The following KPNA6 variants were observed in gnomAD, a reference collection of about 807,000 sequenced individuals.
The protein encoded by KPNA6 is karyopherin subunit alpha 6, also known as importin subunit alpha-7.
KPNA6 carries 9 observed loss-of-function variants against 72.0 expected under a neutral mutation model. The ratio of observed to expected loss-of-function variants is 0.13; its 90% CI spans 0.08 to 0.22. The LOEUF is 0.22. Ranked by LOEUF, KPNA6 falls within the 10% of genes least tolerant of loss-of-function variation. The pLI is 1.00. For missense variants in KPNA6, 374 were observed against 655.7 expected, an observed-to-expected ratio of 0.57 and a Z score of 4.69; for synonymous variants, 219 against 242.1, an observed-to-expected ratio of 0.90 and a Z score of 0.89.
intron 1 of KPNA6, among the ~76,000 whole-genome samples, chr1:32,137,341 T>A (rs902976119): frequency 1.3e-5 from 2 of 152,012 alleles, no homozygotes; most frequent in Non-Finnish European, 1.5e-5. Flanking sequence ...ACCTGGCTAA[T>A]TTTTGAAATT....
chr1:32,162,142 G>C (rs1342138136), intron 8 of KPNA6, 96 bp downstream of exon 8: 1 of 1,030,518 alleles, frequency 9.7e-7, no homozygotes, highest in African/African-American at 1.6e-5. Flanking sequence ...CAAATCATGG[G>C]AAACTGAAAG....
rs886509200 is a variant in KPNA6 at position 32,113,060 on chromosome 1, C to G, written c.4+4926C>G. 1.1e-4 allele frequency among the ~76,000 whole-genome samples: 17 copies of G among 152,234 alleles called. No homozygotes were observed. In the East Asian group the frequency reaches 3.3e-3, roughly 29 times the overall value. ...CTTTCAAAATTAGAGTCAGTACTCT[C>G]AAACCCTGCCACTGCTTTATCAACT... is the stretch of plus-strand genomic sequence containing the variant. On this transcript the variant is annotated intron_variant, in intron 1 of 13. Transcript: ENST00000373625.
At chr1:32,154,314 G>A (rs374102844) in intron 1 of KPNA6, among the ~76,000 whole-genome samples, 1 of 151,892 alleles carries the variant, frequency 6.6e-6, no homozygotes, top group Admixed American at 6.6e-5. Flanking sequence ...GAAGGGTCAG[G>A]ATGTGAACCC....
chr1:32,160,636 A>G lies in KPNA6; in HGVS notation c.580A>G (p.Ile194Val), dbSNP rs768370964. The change falls in exon 7 of 14, where the codon ATA (isoleucine) becomes GTA (valine). Residue 194 changes from isoleucine (I) to valine (V), a missense_variant. Ile to Val is a conservative substitution (Grantham distance 29). This residue lies in a region of KPNA6 where 298 missense variants were observed against 495.4 expected (regional missense o/e 0.60). Coordinates refer to ENST00000373625, the MANE Select transcript of KPNA6 (RefSeq NM_012316.5). ...TCAGGCAGTCTGGGCACTGGGAAAC[A>G]TAGCTGGAGATAGCTCTGTTTGCCG... The part of the protein sequence containing the change: ...QEQAVWALGN[I>V]AGDSSVCRDY... 1.2e-6 allele frequency: 2 copies of G among 1,613,982 alleles called. No individual in the cohort carries two copies. Among genetic ancestry groups the G allele is most frequent in the Admixed American group, 1.7e-5 (1 of 59,992 alleles).
chr1:32,121,500 C>T (rs1402013210), intron 1 of KPNA6, among the ~76,000 whole-genome samples: 1 of 152,108 alleles, frequency 6.6e-6, no homozygotes, highest in East Asian at 1.9e-4. Context: ...GAGGTTTGAT[C>T]ATCTATTTAT....
chr1:32,134,404 G>A (rs1322310904), intron 1 of KPNA6, among the ~76,000 whole-genome samples: 2 of 151,976 alleles, frequency 1.3e-5, no homozygotes, highest in East Asian at 1.9e-4. Flanking sequence ...ACTTTAGGAG[G>A]CTGAGGCAGG....
At chr1:32,143,063 ATCTGTTGTCTAC>A in intron 1 of KPNA6, 1 of 1,135,412 alleles carries the variant, frequency 8.8e-7, no homozygotes, top group Non-Finnish European at 1.2e-6. Context: ...GCCTTCAGAA[ATCTGTTGTCTAC>A]TCTGTTAGTC....
At chr1:32,135,312 C>G (rs1423379367) in intron 1 of KPNA6, among the ~76,000 whole-genome samples, 4 of 152,132 alleles carry the variant, frequency 2.6e-5, no homozygotes, top group Non-Finnish European at 5.9e-5. Context: ...GGTGATCTGT[C>G]CCCCTCAGCC....
At chr1:32,154,821 T>TAG in intron 2 of KPNA6, 100 bp downstream of exon 2, 1 of 1,302,456 alleles carries the variant, frequency 7.7e-7, no homozygotes, top group Non-Finnish European at 1.1e-6. Flanking sequence ...GAAAAGTAGC[T>TAG]TACTAGGTGG....
At chr1:32,140,571 G>T in intron 1 of KPNA6, among the ~76,000 whole-genome samples, 1 of 152,222 alleles carries the variant, frequency 6.6e-6, no homozygotes, top group East Asian at 1.9e-4. Context: ...ATAATTTATA[G>T]ATATTGTACT....
intron 1 of KPNA6, 49 bp downstream of exon 1, chr1:32,108,183 G>A: frequency 1.2e-6 from 2 of 1,612,938 alleles, no homozygotes; most frequent in Non-Finnish European, 1.7e-6. Context: ...GGGAGTGTCG[G>A]GGCCTGGGAT....
chr1:32,164,634 T>C (rs750924157), intron 10 of KPNA6, among the ~76,000 whole-genome samples: 1 of 152,074 alleles, frequency 6.6e-6, no homozygotes, highest in Non-Finnish European at 1.5e-5. Context: ...TTTGCATTTT[T>C]CTAATGATTG....
intron 1 of KPNA6, among the ~76,000 whole-genome samples, chr1:32,139,084 T>C (rs1270802549): frequency 7.9e-5 from 12 of 152,184 alleles, no homozygotes; most frequent in Admixed American, 7.9e-4. Context: ...TAAATAGCTG[T>C]TGTGGCTAGG....
intron 2 of KPNA6, among the ~76,000 whole-genome samples, chr1:32,155,644 A>C (rs1449958129): frequency 6.6e-6 from 1 of 151,322 alleles, no homozygotes; most frequent in Non-Finnish European, 1.5e-5. Flanking sequence ...GACTATAATA[A>C]TGCCTCACCA....
intron 8 of KPNA6, 36 bp from the exon 9 acceptor site, chr1:32,162,324 GT>G (rs765623471): frequency 7.8e-6 from 12 of 1,544,170 alleles, no homozygotes; most frequent in Non-Finnish European, 1.0e-5. Flanking sequence ...ATATAGTCTT[GT>G]TCCCCTGTGA....
chr1:32,127,573 C>G (rs767048606), intron 1 of KPNA6, among the ~76,000 whole-genome samples: 26 of 152,198 alleles, frequency 1.7e-4, no homozygotes, highest in Non-Finnish European at 5.9e-5. Flanking sequence ...TTTTATAATT[C>G]AGCTGACAGA....
chr1:32,162,070 C>T (rs1449376883), intron 8 of KPNA6, 24 bp downstream of exon 8: 1 of 1,566,788 alleles, frequency 6.4e-7, no homozygotes. Flanking sequence ...TTACTAGACC[C>T]TGAGTGACAT....
At position 32,173,533 on chromosome 1, in the gene KPNA6, T is replaced by G. The variant is rs1297104487; in HGVS notation, c.*2639T>G. ...TCCAGGAGCTTTCATTTATGTCTTC[T>G]CCAGACCAGGTTTTCCTGTTATCTT... is the stretch of plus-strand genomic sequence containing the variant. On this transcript the variant is annotated 3_prime_UTR_variant, in exon 14 of 14. Transcript: ENST00000373625. 2 of 158,990 alleles carry G rather than the reference T, an allele frequency of 1.3e-5. No homozygotes were observed. The highest frequency in any genetic ancestry group is 4.8e-5 in the African/African-American group (2 of 41,744). 9.8% of individuals were successfully genotyped at this position (158,990 alleles called of 1,614,324 possible).
chr1:32,162,069 C>T lies in KPNA6; in HGVS notation c.747+23C>T, dbSNP rs369601751. The T allele has an allele frequency of 6.8e-5, 107 of 1,570,034 alleles. 1 individual carries two copies. The highest frequency in any genetic ancestry group is 8.6e-5 in the Non-Finnish European group (98 of 1,140,926). ...AAGGTGAGAGAGCTACTTACTAGACCCTGAGTGACATCAGGTTCCTTCATA... is the reference window on the plus strand; with the variant it reads ...AAGGTGAGAGAGCTACTTACTAGACTCTGAGTGACATCAGGTTCCTTCATA... On this transcript the variant is annotated intron_variant, in intron 8 of 13. Transcript: ENST00000373625.
Sources: allele counts gnomAD v4.1 joint callset (sites outside exome capture counted in the v4.1 genomes callset), GRCh38; gene constraint gnomAD v4.1.1; regional missense constraint gnomAD v4.1.1; transcripts MANE v1.5; gene names NCBI Gene and HGNC (gene_info 2026-07-23, HGNC 2026-07-21).